The following PTPRN variants were observed in gnomAD, a reference collection of about 807,000 sequenced individuals.
PTPRN encodes the protein protein tyrosine phosphatase receptor type N.
Under a neutral mutation model 108.5 loss-of-function variants are expected in PTPRN, and 70 were observed. The observed-to-expected ratio is 0.65, with a 90% CI of 0.53 to 0.79. The LOEUF is 0.79. Among genes scored for constraint, PTPRN ranks in the 30% least tolerant of loss-of-function variants. The pLI, the probability that PTPRN is intolerant of heterozygous loss-of-function variation, is 0.00. For synonymous variants in PTPRN, 496 were observed against 524.6 expected (o/e 0.95, Z 0.75); for missense variants, 1,136 against 1,295.5 (o/e 0.88, Z 1.89).
chr2:219,301,766 T>C, intron 6 of PTPRN, 47 bp from the exon 7 acceptor site: 1 of 1,574,906 alleles, frequency 6.3e-7, no homozygotes, highest in African/African-American at 1.3e-5. Flanking sequence ...CGCAGTGAAC[T>C]TGAGGGATGC....
Position 219,297,458 on chromosome 2 carries a change from T to C in PTPRN, c.1888-25A>G, listed in dbSNP as rs78673929. ...CCTGTGGAGGAAGAATCAGGTGAGG[T>C]CCAAGAGTCCCCTGAAACTTTTCAA... On this transcript the variant is annotated intron_variant, in intron 13 of 22. Transcript: ENST00000295718. This position sits in a 1 kb window ranked among gnomAD's most constrained non-coding sequence, Gnocchi z 6.0. 8 of 1,610,724 alleles carry C rather than the reference T, an allele frequency of 5.0e-6. No homozygotes were observed. Among genetic ancestry groups the C allele is most frequent in the Non-Finnish European group, 6.8e-6 (8 of 1,177,490 alleles).
chr2:219,296,870 A>G lies in PTPRN; in HGVS notation c.2237-48T>C. Reference sequence around the variant, plus strand: ...CCCAGATGGCCCTCTGGTCATTGGCATCGCGGGACCTCTGCCACTCAGCCT... The same window carrying G: ...CCCAGATGGCCCTCTGGTCATTGGCGTCGCGGGACCTCTGCCACTCAGCCT... On this transcript the variant is annotated intron_variant, in intron 15 of 22. Transcript: ENST00000295718. This position sits in a 1 kb window ranked among gnomAD's most constrained non-coding sequence, Gnocchi z 6.0. 6.2e-7 allele frequency: 1 copy of G among 1,613,658 alleles called. No individual in the cohort carries two copies. The highest frequency in any genetic ancestry group is 1.1e-5 in the South Asian group (1 of 91,048).
At position 219,297,893 on chromosome 2, in the gene PTPRN, C is replaced by A; in HGVS notation, c.1879G>T (p.Glu627Ter). Residue 627 changes from glutamate (E) to a stop codon, truncating the protein, a stop_gained, in exon 13 of 23, where the codon GAG (glutamate) becomes TAG (stop). Coordinates refer to ENST00000295718, the MANE Select transcript of PTPRN (RefSeq NM_002846.4). LOFTEE classifies it high-confidence loss of function. The surrounding 1 kb of genome is among the most constrained non-coding windows in gnomAD (Gnocchi z 6.0). The stretch of plus-strand genomic sequence containing the variant: ...CTTCTGGGGCTGCACACCTGGTACT[C>A]AAAGGTAGTGTCACCATGGGCCCCC... ...PEGAHGDTTF[E>*]YQDLCRQHMA... is the part of the protein sequence containing the mutation. 6.2e-7 allele frequency: 1 copy of A among 1,608,652 alleles called. No individual in the cohort carries two copies. Among genetic ancestry groups the A allele is most frequent in the South Asian group, 1.1e-5 (1 of 90,380 alleles).
Position 219,296,468 on chromosome 2 carries a change from GCGGGC to G in PTPRN, c.2354_2358del (p.Gly785AlafsTer35). ...CAGAAGTCTGCGATGGTATGGGACA[GCGGGC>G]CCTGCGTGGCTATGTAGGCTGGCAT... On this transcript the variant is annotated frameshift_variant, in exon 17 of 23. Coordinates refer to ENST00000295718, the MANE Select transcript of PTPRN (RefSeq NM_002846.4). LOFTEE classifies it high-confidence loss of function. The surrounding 1 kb of genome is among the most constrained non-coding windows in gnomAD (Gnocchi z 6.0). 6.2e-7 allele frequency: 1 copy of G among 1,614,188 alleles called. No homozygotes were observed. Among genetic ancestry groups the G allele is most frequent in the Non-Finnish European group, 8.5e-7 (1 of 1,180,028 alleles).
At chr2:219,295,982 A>AG (rs1952183242) in intron 18 of PTPRN, 1 of 515,902 alleles carries the variant, frequency 1.9e-6, no homozygotes, top group Non-Finnish European at 3.3e-6. Flanking sequence ...CAGGACACAC[A>AG]CACACACACA....
At position 219,303,799 on chromosome 2, in the gene PTPRN, C is replaced by T; in HGVS notation, c.313G>A (p.Val105Met). ...LSWHDDLTQY[V>M]ISQEMERIPR... ...ATGCGCTCCATCTCCTGAGAGATCA[C>T]ATACTGGGTGAGGTCATCGTGCCAG... is the stretch of plus-strand genomic sequence containing the variant. The change falls in exon 4 of 23, where the codon GTG (valine) becomes ATG (methionine). Residue 105 changes from valine to methionine, a missense_variant. Val to Met is a conservative substitution (Grantham distance 21, BLOSUM62 1). Coordinates refer to ENST00000295718, the MANE Select transcript of PTPRN (RefSeq NM_002846.4). 6.2e-7 allele frequency: 1 copy of T among 1,613,804 alleles called. No homozygotes were observed. The highest frequency in any genetic ancestry group is 1.1e-5 in the South Asian group (1 of 91,044).
intron 19 of PTPRN, 141 bp downstream of exon 19, chr2:219,294,834 G>C: frequency 1.2e-6 from 1 of 867,396 alleles, no homozygotes. Context: ...TTAGGGGTGG[G>C]AGCGTGGGGT....
chr2:219,302,652 A>T lies in PTPRN; in HGVS notation c.563T>A (p.Leu188Gln). ...AELLPPLLEH[L>Q]LLPPQPPHPS... ...GTGGGGAGGCTGTGGGGGCAGCAGC[A>T]GGTGCTCCAAGAGAGGCGGGAGCAG... is the stretch of plus-strand genomic sequence containing the variant. The change falls in exon 5 of 23, where the codon CTG (leucine) becomes CAG (glutamine). Residue 188 changes from leucine (L) to glutamine (Q), a missense_variant. Coordinates refer to ENST00000295718, the MANE Select transcript of PTPRN (RefSeq NM_002846.4). 6.2e-7 allele frequency: 1 copy of T among 1,613,760 alleles called. No homozygotes were observed.
chr2:219,303,992 C>A, intron 3 of PTPRN, 161 bp from the exon 4 acceptor site: 1 of 515,418 alleles, frequency 1.9e-6, no homozygotes, highest in Non-Finnish European at 3.4e-6. Context: ...TCTTCCCACC[C>A]TCAGGTACAG....
intron 1 of PTPRN, 136 bp from the exon 2 acceptor site, chr2:219,307,978 G>A (rs1316401363): frequency 6.2e-6 from 5 of 802,404 alleles, no homozygotes; most frequent in Non-Finnish European, 1.0e-5. Context: ...TGGGAGGAGA[G>A]TAGGAATCAG....
In PTPRN at chr2:219,301,635, A is replaced by G. The variant is rs1473415462; in HGVS notation, c.1079T>C (p.Leu360Pro). The change falls in exon 7 of 23, where the codon CTC becomes CCC. Residue 360 changes from leucine to proline, a missense_variant. Coordinates refer to ENST00000295718, the MANE Select transcript of PTPRN (RefSeq NM_002846.4). ...RQLTPEQLSTLLTLLQLLPKG... is the reference protein window; with the variant it reads ...RQLTPEQLSTPLTLLQLLPKG... ...GGGCAGTAGCTGCAGCAGGGTCAGG[A>G]GTGTGGAGAGCTGCTCAGGGGTCAG... The G allele has an allele frequency of 3.1e-6, 5 of 1,613,524 alleles. No individual in the cohort carries two copies. The highest frequency in any genetic ancestry group is 4.2e-6 in the Non-Finnish European group (5 of 1,179,508).
chr2:219,302,075 G>A, intron 6 of PTPRN, 62 bp downstream of exon 6: 1 of 1,403,216 alleles, frequency 7.1e-7, no homozygotes, highest in East Asian at 2.3e-5. Context: ...TCAGGGAAGG[G>A]CCCCACCATG....
At chr2:219,307,982 G>T in intron 1 of PTPRN, 140 bp from the exon 2 acceptor site, 1 of 771,602 alleles carries the variant, frequency 1.3e-6, no homozygotes, top group Non-Finnish European at 2.2e-6. Context: ...AGGAGAGTAG[G>T]AATCAGGCCT....
intron 11 of PTPRN, 93 bp from the exon 12 acceptor site, chr2:219,299,204 G>C: frequency 6.2e-7 from 1 of 1,600,710 alleles, no homozygotes; most frequent in South Asian, 1.1e-5. Flanking sequence ...GCCCATGTGG[G>C]CTGGGAACAT....
Position 219,297,191 on chromosome 2 carries a change from T to C in PTPRN, c.2088+42A>G. The C allele has an allele frequency of 6.2e-7, 1 of 1,610,952 alleles. No homozygotes were observed. Among genetic ancestry groups the C allele is most frequent in the Non-Finnish European group, 8.5e-7 (1 of 1,177,862 alleles). ...ACAGCCAGCCTGGCCTCTCTCACCA[T>C]CCCATTCCTTCACCCACTCTGGGCC... On this transcript the variant is annotated intron_variant, in intron 14 of 22. Coordinates refer to ENST00000295718, the MANE Select transcript of PTPRN (RefSeq NM_002846.4). This position sits in a 1 kb window ranked among gnomAD's most constrained non-coding sequence, Gnocchi z 6.0.
intron 19 of PTPRN, among the ~76,000 whole-genome samples, chr2:219,294,575 A>C (rs985115204): frequency 6.7e-6 from 1 of 149,392 alleles, no homozygotes; most frequent in African/African-American, 2.5e-5. Context: ...AGGGGGCAGC[A>C]AGGCAGCGCA....
chr2:219,307,173 C>G (rs1457701017), intron 3 of PTPRN: 2 of 362,650 alleles, frequency 5.5e-6, no homozygotes, highest in African/African-American at 4.1e-5. Context: ...CTCTGTAGCA[C>G]TCAGACAATG....
chr2:219,290,664 G>A lies in PTPRN; in HGVS notation c.2795-53C>T, dbSNP rs964013338. The A allele has an allele frequency of 3.3e-6, 5 of 1,521,020 alleles. No homozygotes were observed. The Admixed American group carries it at 9.8e-5, about 30-fold the overall frequency. 94.2% of individuals were successfully genotyped at this position (1,521,020 alleles called of 1,614,324 possible). On this transcript the variant is annotated intron_variant, in intron 21 of 22. Transcript: ENST00000295718. This position sits in a 1 kb window ranked among gnomAD's most constrained non-coding sequence, Gnocchi z 4.2. ...CTCAGGGGGTGTCCAGAGGAGGACA[G>A]GACCCAGAAAACCTGAGGCCTCCTG...
intron 19 of PTPRN, chr2:219,294,309 CAG>C (rs1196657706): frequency 2.8e-5 from 11 of 386,532 alleles, no homozygotes; most frequent in Non-Finnish European, 4.3e-5. Context: ...AACTGGCAGA[CAG>C]GGGAAGGAGG....
Sources: allele counts gnomAD v4.1 joint callset (sites outside exome capture counted in the v4.1 genomes callset), GRCh38; gene constraint gnomAD v4.1.1; non-coding constraint Gnocchi (gnomAD v3.1); transcripts MANE v1.5; gene names NCBI Gene and HGNC (gene_info 2026-07-23, HGNC 2026-07-21).